SORCS2: variants seen among roughly 807,000 people sequenced by gnomAD.
SORCS2 encodes the protein VPS10 domain-containing receptor SorCS2.
SORCS2 carries 100 observed loss-of-function variants against 141.6 expected under a neutral mutation model. The observed-to-expected ratio is 0.71, with a 90% CI of 0.60 to 0.83. The LOEUF (loss-of-function observed/expected upper bound fraction) is 0.83, where lower values mean the gene tolerates loss of function less well. Among genes scored for constraint, SORCS2 ranks in the 40% least tolerant of loss-of-function variants. SORCS2 has a pLI of 0.00. For missense variants in SORCS2, 1,646 were observed against 1,560.2 expected (o/e 1.05, Z -0.93); for synonymous variants, 789 against 676.9 (o/e 1.17, Z -2.57).
At chr4:7,223,900 A>AGTC (rs1728858216) in intron 1 of SORCS2, among the ~76,000 whole-genome samples, 1 of 142,390 alleles carries the variant, frequency 7.0e-6, no homozygotes. Context: ...GCCCAGAGTC[A>AGTC]GTCCTCTGGG....
intron 2 of SORCS2, among the ~76,000 whole-genome samples, chr4:7,423,204 C>A (rs1360049150): frequency 6.6e-6 from 1 of 152,174 alleles, no homozygotes; most frequent in African/African-American, 2.4e-5. Context: ...TTGCACTGAT[C>A]ATAACCGCTC....
At chr4:7,597,984 T>TTTTTG in intron 3 of SORCS2, among the ~76,000 whole-genome samples, 1 of 149,182 alleles carries the variant, frequency 6.7e-6, no homozygotes, top group African/African-American at 2.5e-5. Flanking sequence ...TTTTTTTTTT[T>TTTTTG]TTAATATGGA....
chr4:7,739,795 C>T (rs920593841), intron 26 of SORCS2, among the ~76,000 whole-genome samples: 2 of 152,188 alleles, frequency 1.3e-5, no homozygotes, highest in African/African-American at 4.8e-5. Flanking sequence ...ATCCCTATGC[C>T]CCCCTCTCTC....
chr4:7,307,772 A>C (rs1451098538), intron 1 of SORCS2, among the ~76,000 whole-genome samples: 1 of 151,552 alleles, frequency 6.6e-6, no homozygotes, highest in Non-Finnish European at 1.5e-5. Flanking sequence ...TGTGCCCATG[A>C]GTTTGTGCAT....
intron 2 of SORCS2, among the ~76,000 whole-genome samples, chr4:7,483,316 C>G (rs1730768376): frequency 7.6e-6 from 1 of 132,152 alleles, no homozygotes; most frequent in African/African-American, 3.2e-5. Flanking sequence ...GAGCGAGACT[C>G]CATCTCAAAA....
At chr4:7,584,708 G>C (rs369076770) in intron 3 of SORCS2, among the ~76,000 whole-genome samples, 1 of 152,110 alleles carries the variant, frequency 6.6e-6, no homozygotes, top group Non-Finnish European at 1.5e-5. Flanking sequence ...GGGCTCAGCT[G>C]GGGGGAGGTT....
At chr4:7,454,590 T>C (rs1344153776) in intron 2 of SORCS2, among the ~76,000 whole-genome samples, 8 of 101,704 alleles carry the variant, frequency 7.9e-5, no homozygotes, top group African/African-American at 1.2e-4. Flanking sequence ...TGGGGTCAGG[T>C]GCTGTGTTGG....
rs73797035 is a variant in SORCS2, at chr4:7,560,941, A to C, written c.648+29312A>C. Among the ~76,000 whole-genome samples, 893 of 151,962 alleles carry C rather than the reference A, an allele frequency of 5.9e-3. 8 individuals carry two copies. Among genetic ancestry groups the C allele is most frequent in the African/African-American group, 0.02 (827 of 41,470 alleles). On this transcript the variant is annotated intron_variant, in intron 3 of 26. Transcript: ENST00000507866. ...TTTGCCAAGCGAGATGGGATGGAAC[A>C]CTCTTGTCCATGGCTGCAGAAGCAA...
intron 3 of SORCS2, among the ~76,000 whole-genome samples, chr4:7,612,818 G>A (rs1385313016): frequency 6.6e-6 from 1 of 150,634 alleles, no homozygotes; most frequent in Non-Finnish European, 1.5e-5. Flanking sequence ...GTTAGGCCTG[G>A]TACAAAGCCT....
chr4:7,527,789 G>A (rs564088605), intron 2 of SORCS2, among the ~76,000 whole-genome samples: 2 of 152,248 alleles, frequency 1.3e-5, no homozygotes, highest in South Asian at 4.1e-4. Flanking sequence ...AGAGAGGAAG[G>A]GTACCCAGAC....
intron 3 of SORCS2, among the ~76,000 whole-genome samples, chr4:7,546,387 G>A (rs924504996): frequency 6.6e-6 from 1 of 152,126 alleles, no homozygotes; most frequent in East Asian, 1.9e-4. Context: ...GGCCTGCTGT[G>A]GGAGGGCTCT....
chr4:7,596,290 T>C (rs1047920961), intron 3 of SORCS2, among the ~76,000 whole-genome samples: 3 of 152,198 alleles, frequency 2.0e-5, no homozygotes, highest in Non-Finnish European at 1.5e-5. Flanking sequence ...TTGGCTGGCA[T>C]GGTAGACGGT....
chr4:7,644,704 T>C (rs1462439918), intron 4 of SORCS2, among the ~76,000 whole-genome samples: 1 of 152,140 alleles, frequency 6.6e-6, no homozygotes. Context: ...TATGTGCCCT[T>C]CCTGGGCCCT....
chr4:7,255,849 G>A (rs1713822780), intron 1 of SORCS2, among the ~76,000 whole-genome samples: 1 of 148,808 alleles, frequency 6.7e-6, no homozygotes, highest in South Asian at 2.2e-4. Context: ...TGGTGCGTGG[G>A]GACCCGGGGC....
At chr4:7,345,022 C>T (rs533454360) in intron 1 of SORCS2, among the ~76,000 whole-genome samples, 26 of 152,068 alleles carry the variant, frequency 1.7e-4, no homozygotes, top group Admixed American at 1.0e-3. Flanking sequence ...GTTGTCCCTC[C>T]TGCTGCTGGC....
intron 14 of SORCS2, 82 bp downstream of exon 14, chr4:7,704,366 C>G: frequency 8.2e-7 from 1 of 1,217,784 alleles, no homozygotes; most frequent in Admixed American, 2.2e-5. Context: ...TGTCCTTCAC[C>G]CCCCAGCCAC....
chr4:7,688,171 GAAGA>G (rs1222980580), intron 10 of SORCS2, among the ~76,000 whole-genome samples: 1 of 152,220 alleles, frequency 6.6e-6, no homozygotes, highest in African/African-American at 2.4e-5. Context: ...GACATGAAAT[GAAGA>G]GAGAGGATAC....
chr4:7,265,465 T>TG (rs1454441615), intron 1 of SORCS2, among the ~76,000 whole-genome samples: 2 of 152,006 alleles, frequency 1.3e-5, no homozygotes, highest in Admixed American at 1.3e-4. Context: ...CACTCCAGCC[T>TG]GGTGACAGAG....
At chr4:7,634,233 G>A (rs892275591) in intron 3 of SORCS2, among the ~76,000 whole-genome samples, 1 of 152,202 alleles carries the variant, frequency 6.6e-6, no homozygotes, top group African/African-American at 2.4e-5. Flanking sequence ...AATTAGCCAG[G>A]CATGGTGGCG....
Sources: gnomAD v4.1 joint callset for allele counts (sites outside exome capture counted in the v4.1 genomes callset) on GRCh38, gnomAD v4.1.1 for gene constraint, MANE v1.5 for transcripts, NCBI Gene and HGNC (gene_info 2026-07-23, HGNC 2026-07-21) for gene names.